PAK1: variants seen among roughly 807,000 people sequenced by gnomAD.
PAK1 encodes p21 (RAC1) activated kinase 1, also known as serine/threonine-protein kinase PAK 1.
In PAK1, 29 loss-of-function variants were observed where a neutral mutation model predicts 67.4. The observed-to-expected ratio is 0.43, with a 90% CI of 0.32 to 0.59. PAK1 has a LOEUF of 0.59. Among genes scored for constraint, PAK1 ranks in the 20% least tolerant of loss-of-function variants. The pLI, the probability that PAK1 is intolerant of heterozygous loss-of-function variation, is 0.07. For synonymous variants in PAK1, 223 were observed against 237.4 expected, an observed-to-expected ratio of 0.94 and a Z score of 0.56; for missense variants, 337 against 670.7, an observed-to-expected ratio of 0.50 and a Z score of 5.50.
the PAK1 span, among the ~76,000 whole-genome samples, chr11:77,486,196 G>A: frequency 2.0e-5 from 3 of 152,066 alleles, no homozygotes; most frequent in Admixed American, 2.0e-4. Flanking sequence ...ATATCGGTGG[G>A]GGTATTAAAA....
chr11:77,528,553 C>T, the PAK1 span, among the ~76,000 whole-genome samples: 1 of 152,080 alleles, frequency 6.6e-6, no homozygotes, highest in Non-Finnish European at 1.5e-5. Context: ...CTATGTTGAG[C>T]AGACTGGTCT....
At chr11:77,489,466 C>G in the PAK1 span, among the ~76,000 whole-genome samples, 4 of 151,682 alleles carry the variant, frequency 2.6e-5, no homozygotes, top group Admixed American at 1.3e-4. Context: ...GTCTCCCTCT[C>G]CCTCTCTTTC....
intron 1 of PAK1, among the ~76,000 whole-genome samples, chr11:77,448,210 T>C (rs183348174): frequency 6.6e-6 from 1 of 152,302 alleles, no homozygotes; most frequent in Admixed American, 6.5e-5. Context: ...GAGACTCATA[T>C]GGGAAAAAAT....
chr11:77,355,321 C>T (rs2136501354), intron 7 of PAK1, among the ~76,000 whole-genome samples: 1 of 152,298 alleles, frequency 6.6e-6, no homozygotes, highest in African/African-American at 2.4e-5. Context: ...TAATTGATCA[C>T]AGTGCCCTTT....
chr11:77,424,575 T>C (rs779052763), intron 1 of PAK1, among the ~76,000 whole-genome samples: 2 of 152,256 alleles, frequency 1.3e-5, no homozygotes, highest in Non-Finnish European at 2.9e-5. Flanking sequence ...ACTCCAGCAT[T>C]AAATTCTGAG....
intron 3 of PAK1, 39 bp downstream of exon 3, chr11:77,379,855 T>C (rs1162454644): frequency 1.5e-6 from 2 of 1,360,708 alleles, no homozygotes; most frequent in South Asian, 1.2e-5. Flanking sequence ...CAGCCAGAAC[T>C]CTAAAAGACT....
chr11:77,518,208 A>C, the PAK1 span, among the ~76,000 whole-genome samples: 1 of 152,226 alleles, frequency 6.6e-6, no homozygotes, highest in Non-Finnish European at 1.5e-5. Context: ...GTGAAATGAA[A>C]AAAATGGCTT....
upstream of PAK1, chr11:77,476,376 T>A (rs1009657438): frequency 2.0e-5 from 3 of 152,196 alleles, no homozygotes; most frequent in Admixed American, 6.5e-5. Context: ...TTGACTCTAA[T>A]CTGGATTGTC....
rs185285576 is a variant in PAK1 at position 77,344,899 on chromosome 11, A to T, written c.886-968T>A. 2.9e-4 allele frequency among the ~76,000 whole-genome samples: 44 copies of T among 152,220 alleles called. 1 individual carries two copies. Among genetic ancestry groups the T allele is most frequent in the South Asian group, 4.1e-4 (2 of 4,820 alleles). ...TGGCCCCTACTTTACTTCCAACTCT[A>T]TTCCTTCACAGAGGAGAGTGTTCAT... On this transcript the variant is annotated intron_variant, in intron 9 of 14. Coordinates refer to ENST00000356341, the MANE Select transcript of PAK1 (RefSeq NM_002576.5).
At chr11:77,525,732 C>A in the PAK1 span, among the ~76,000 whole-genome samples, 20 of 152,332 alleles carry the variant, frequency 1.3e-4, no homozygotes, top group Non-Finnish European at 2.9e-5. Context: ...CTTTCTCAGG[C>A]GTCTGCCTGG....
intron 4 of PAK1, among the ~76,000 whole-genome samples, chr11:77,376,931 T>C (rs944421560): frequency 3.3e-5 from 5 of 151,994 alleles, no homozygotes; most frequent in African/African-American, 9.7e-5. Context: ...TTTCTTTGAG[T>C]ATATAAAATG....
At chr11:77,368,611 C>T (rs1947938223) in intron 5 of PAK1, among the ~76,000 whole-genome samples, 1 of 152,330 alleles carries the variant, frequency 6.6e-6, no homozygotes, top group African/African-American at 2.4e-5. Context: ...CTACTTATTA[C>T]AAGTCCTACT....
At chr11:77,493,224 A>G in the PAK1 span, among the ~76,000 whole-genome samples, 38 of 151,116 alleles carry the variant, frequency 2.5e-4, no homozygotes, top group East Asian at 7.2e-3. Context: ...TCGGCCTCCC[A>G]AGTAGCTGGG....
rs1311309509 is a variant in PAK1 at position 77,346,999 on chromosome 11, T to C, written c.885+2240A>G. 8.8e-6 allele frequency: 4 copies of C among 456,110 alleles called. No homozygotes were observed. In the Admixed American group the frequency reaches 9.4e-5, roughly 11 times the overall value. 28.3% of individuals were successfully genotyped at this position (456,110 alleles called of 1,614,324 possible). A position where few individuals can be genotyped will look rare whatever the true frequency, so the allele number is the denominator to read the frequency against. ...ATATGTGAGACACTAGGTCTGCCCT[T>C]CTCAGCTGGATAACCCCCAATAAGC... On this transcript the variant is annotated intron_variant, in intron 9 of 14. Coordinates refer to ENST00000356341, the MANE Select transcript of PAK1 (RefSeq NM_002576.5).
At chr11:77,522,659 T>C in the PAK1 span, among the ~76,000 whole-genome samples, 2 of 152,230 alleles carry the variant, frequency 1.3e-5, no homozygotes, top group African/African-American at 4.8e-5. Flanking sequence ...GAAAACAATT[T>C]GGAGATTTCT....
At chr11:77,521,483 C>T in the PAK1 span, among the ~76,000 whole-genome samples, 4 of 151,766 alleles carry the variant, frequency 2.6e-5, no homozygotes, top group African/African-American at 7.2e-5. Flanking sequence ...GAGCCAAGAT[C>T]GTGCCATTGC....
At chr11:77,428,636 A>C (rs907972199) in intron 1 of PAK1, among the ~76,000 whole-genome samples, 1 of 151,806 alleles carries the variant, frequency 6.6e-6, no homozygotes, top group Non-Finnish European at 1.5e-5. Context: ...GTCAGACCTA[A>C]GCAGGGTGAG....
intron 2 of PAK1, among the ~76,000 whole-genome samples, chr11:77,383,244 T>TTGGTTGA (rs1159339612): frequency 6.6e-6 from 1 of 151,992 alleles, no homozygotes; most frequent in African/African-American, 2.4e-5. Flanking sequence ...TAGCAATGAC[T>TTGGTTGA]TGGTTGAAGT....
At chr11:77,527,513 A>G in the PAK1 span, among the ~76,000 whole-genome samples, 1 of 152,190 alleles carries the variant, frequency 6.6e-6, no homozygotes, top group African/African-American at 2.4e-5. Context: ...TGTTATCCCT[A>G]TTTATGAGTG....
Sources: gnomAD v4.1 joint callset for allele counts (sites outside exome capture counted in the v4.1 genomes callset) on GRCh38, gnomAD v4.1.1 for gene constraint, MANE v1.5 for transcripts, NCBI Gene and HGNC (gene_info 2026-07-23, HGNC 2026-07-21) for gene names.